SSH2: variants seen among roughly 807,000 people sequenced by gnomAD.
SSH2 encodes the protein slingshot protein phosphatase 2, also known as protein phosphatase Slingshot homolog 2.
SSH2 carries 37 observed loss-of-function variants against 135.2 expected under a neutral mutation model. The observed-to-expected ratio is 0.27, with a 90% CI of 0.21 to 0.36. SSH2 has a LOEUF of 0.36. Among genes scored for constraint, SSH2 ranks in the 10% least tolerant of loss-of-function variants. SSH2 has a pLI of 1.00. For missense variants in SSH2, 1,408 were observed against 1,765.3 expected (o/e 0.80, Z 3.63); for synonymous variants, 628 against 646.2 (o/e 0.97, Z 0.43).
At chr17:29,726,965 C>G (rs1035561735) in intron 3 of SSH2, among the ~76,000 whole-genome samples, 1 of 152,210 alleles carries the variant, frequency 6.6e-6, no homozygotes, top group Non-Finnish European at 1.5e-5. Context: ...CGGCTGCCAG[C>G]CAATCATCCT....
chr17:29,806,483 C>T (rs756856237), intron 2 of SSH2, among the ~76,000 whole-genome samples: 1 of 152,182 alleles, frequency 6.6e-6, no homozygotes, highest in African/African-American at 2.4e-5. Context: ...TTTCTGAAGA[C>T]CCCACACTTG....
chr17:29,667,331 C>T (rs1003272507), intron 9 of SSH2, 108 bp from the exon 10 acceptor site: 5 of 880,760 alleles, frequency 5.7e-6, no homozygotes, highest in Admixed American at 2.8e-5. Flanking sequence ...AAGGCAAATC[C>T]TTTTCCAAAA....
intron 1 of SSH2, among the ~76,000 whole-genome samples, chr17:29,903,883 C>T (rs2066605717): frequency 6.6e-6 from 1 of 152,094 alleles, no homozygotes; most frequent in Admixed American, 6.6e-5. Flanking sequence ...TCCAAAGATG[C>T]TAAACAAATG....
chr17:29,637,804 TAAAG>T (rs1191032598), intron 14 of SSH2, among the ~76,000 whole-genome samples: 5 of 146,118 alleles, frequency 3.4e-5, no homozygotes, highest in African/African-American at 7.6e-5. Context: ...AAAATAAAAA[TAAAG>T]AAAGATATAT....
chr17:29,642,716 T>C (rs1465767395), intron 14 of SSH2, among the ~76,000 whole-genome samples: 10 of 152,218 alleles, frequency 6.6e-5, no homozygotes, highest in Non-Finnish European at 2.9e-5. Flanking sequence ...CTCCAGGCTC[T>C]TAATGATATA....
At chr17:29,795,127 C>T (rs915496782) in intron 2 of SSH2, among the ~76,000 whole-genome samples, 2 of 152,230 alleles carry the variant, frequency 1.3e-5, no homozygotes, top group Non-Finnish European at 2.9e-5. Flanking sequence ...CATTCTGCCT[C>T]CTTTCCTGGG....
intron 3 of SSH2, among the ~76,000 whole-genome samples, chr17:29,756,263 CAAAA>C (rs1375228462): frequency 3.6e-5 from 3 of 82,678 alleles, no homozygotes. Flanking sequence ...GACTCTGTCT[CAAAA>C]AAAAAAAAAA....
intron 1 of SSH2, among the ~76,000 whole-genome samples, chr17:29,881,729 T>C (rs1345187306): frequency 7.9e-5 from 12 of 152,130 alleles, no homozygotes; most frequent in Admixed American, 7.9e-4. Context: ...CTCAAACTCC[T>C]GACCTCGTGA....
chr17:29,868,008 A>C (rs2065881255), intron 1 of SSH2, among the ~76,000 whole-genome samples: 1 of 152,170 alleles, frequency 6.6e-6, no homozygotes, highest in Non-Finnish European at 1.5e-5. Context: ...TAACAAGGTC[A>C]TTTTGTATTC....
In SSH2 at chr17:29,636,338, G is replaced by A; in HGVS notation, c.1892C>T (p.Ala631Val). 6.2e-7 allele frequency: 1 copy of A among 1,614,168 alleles called. No homozygotes were observed. The highest frequency in any genetic ancestry group is 1.1e-5 in the South Asian group (1 of 91,084). The change falls in exon 15 of 16, where the codon GCA becomes GTA. Residue 631 changes from alanine to valine, a missense_variant. This residue lies in a region of SSH2 where 1,080 missense variants were observed against 1,144.5 expected (regional missense o/e 0.94). Coordinates refer to ENST00000540801, the MANE Select transcript of SSH2 (RefSeq NM_001282129.2). The part of the protein sequence containing the change: ...VEDLETDALK[A>V]DMNVHLLPME... The stretch of plus-strand genomic sequence containing the variant: ...AGGCAGTAGGTGGACATTCATGTCT[G>A]CTTTCAGTGCATCTGTCTCCAAATC...
intron 3 of SSH2, among the ~76,000 whole-genome samples, chr17:29,730,172 A>T (rs1451305580): frequency 6.6e-6 from 1 of 151,682 alleles, no homozygotes; most frequent in Non-Finnish European, 1.5e-5. Flanking sequence ...AATACAAAAA[A>T]TTAGTTGAGT....
At chr17:29,685,082 C>T (rs899156607) in intron 5 of SSH2, among the ~76,000 whole-genome samples, 2 of 152,122 alleles carry the variant, frequency 1.3e-5, no homozygotes, top group African/African-American at 4.8e-5. Context: ...ATGCAATTCC[C>T]ACAAACAATT....
chr17:29,805,224 C>T (rs1304402201), intron 2 of SSH2, among the ~76,000 whole-genome samples: 1 of 151,922 alleles, frequency 6.6e-6, no homozygotes, highest in South Asian at 2.1e-4. Flanking sequence ...GGCCTGATCT[C>T]GGCTCACTGC....
intron 2 of SSH2, among the ~76,000 whole-genome samples, chr17:29,815,285 A>G (rs1001453989): frequency 6.6e-6 from 1 of 151,846 alleles, no homozygotes; most frequent in Non-Finnish European, 1.5e-5. Context: ...CACCACACCC[A>G]GCTAACTTTT....
At chr17:29,854,339 A>G (rs1159203279) in intron 1 of SSH2, among the ~76,000 whole-genome samples, 1 of 151,854 alleles carries the variant, frequency 6.6e-6, no homozygotes, top group African/African-American at 2.4e-5. Flanking sequence ...ACAGGTTACA[A>G]AAACAGTTTT....
rs373521058 is a variant in SSH2 at position 29,771,659 on chromosome 17, A to C, written c.188+22235T>G. ...GGGCCTGAAACACAACCTAGTAAGTAGGTAAGGGTTTTATTTTTATTTTCA... is the reference window on the plus strand; with the variant it reads ...GGGCCTGAAACACAACCTAGTAAGTCGGTAAGGGTTTTATTTTTATTTTCA... On this transcript the variant is annotated intron_variant, in intron 3 of 15. Coordinates refer to ENST00000540801, the MANE Select transcript of SSH2 (RefSeq NM_001282129.2). 2.6e-5 allele frequency among the ~76,000 whole-genome samples: 4 copies of C among 152,182 alleles called. No individual in the cohort carries two copies. In the South Asian group the frequency reaches 8.3e-4, roughly 31 times the overall value.
intron 3 of SSH2, among the ~76,000 whole-genome samples, chr17:29,767,933 A>G (rs532404668): frequency 6.6e-6 from 1 of 152,306 alleles, no homozygotes; most frequent in African/African-American, 2.4e-5. Context: ...ACATGTGAAT[A>G]TACTTGTTGG....
intron 5 of SSH2, among the ~76,000 whole-genome samples, chr17:29,685,828 ACTTT>A (rs944759879): frequency 6.1e-5 from 9 of 148,598 alleles, no homozygotes; most frequent in African/African-American, 1.2e-4. Flanking sequence ...GTGAGGATGT[ACTTT>A]CTTTCTTTCT....
intron 3 of SSH2, among the ~76,000 whole-genome samples, chr17:29,752,282 A>C (rs2040969394): frequency 6.6e-6 from 1 of 152,206 alleles, no homozygotes; most frequent in African/African-American, 2.4e-5. Context: ...ACTGGCATAC[A>C]TTTGTCTACT....
Sources: gnomAD v4.1 joint callset for allele counts (sites outside exome capture counted in the v4.1 genomes callset) on GRCh38, gnomAD v4.1.1 for gene constraint, gnomAD v4.1.1 regional missense constraint, MANE v1.5 for transcripts, NCBI Gene and HGNC (gene_info 2026-07-23, HGNC 2026-07-21) for gene names.